The following SGMS1 variants were observed in gnomAD, a reference collection of about 807,000 sequenced individuals.
SGMS1 encodes the protein sphingomyelin synthase 1.
A neutral mutation model predicts 46.2 loss-of-function variants in SGMS1; 13 were observed. The ratio of observed to expected loss-of-function variants is 0.28; its 90% CI spans 0.18 to 0.45. The LOEUF (loss-of-function observed/expected upper bound fraction) is 0.45. SGMS1 is among the 20% of genes least tolerant of loss of function. The pLI is 1.00. For synonymous variants in SGMS1, 203 were observed against 187.8 expected (o/e 1.08, Z -0.66); for missense variants, 324 against 519.9 (o/e 0.62, Z 3.66).
At chr10:50,505,407 C>T (rs1049046979) in intron 3 of SGMS1, among the ~76,000 whole-genome samples, 1 of 152,080 alleles carries the variant, frequency 6.6e-6, no homozygotes, top group East Asian at 1.9e-4. Context: ...TTCTATCATG[C>T]CTAACACTGA....
chr10:50,402,238 G>T (rs574955934), intron 6 of SGMS1, among the ~76,000 whole-genome samples: 1 of 152,246 alleles, frequency 6.6e-6, no homozygotes, highest in Admixed American at 6.5e-5. Flanking sequence ...ATGTTCTGAG[G>T]TTCAATTATT....
intron 3 of SGMS1, among the ~76,000 whole-genome samples, chr10:50,492,152 T>C (rs552446133): frequency 1.3e-5 from 2 of 152,354 alleles, no homozygotes; most frequent in Non-Finnish European, 2.9e-5. Context: ...AAACTAGGTA[T>C]TGAAGGAACA....
intron 2 of SGMS1, among the ~76,000 whole-genome samples, chr10:50,588,721 A>ATTTTTTTTTT (rs71029314): frequency 1.1e-5 from 1 of 92,220 alleles, no homozygotes; most frequent in Non-Finnish European, 2.1e-5. Context: ...GACTGATCTA[A>ATTTTTTTTTT]TTTTTTTTTT....
chr10:50,503,657 T>C (rs1837680704), intron 3 of SGMS1, among the ~76,000 whole-genome samples: 1 of 152,218 alleles, frequency 6.6e-6, no homozygotes. Context: ...GCCTTGTTGC[T>C]CACACACAGC....
chr10:50,310,090 T>C (rs1199412480), intron 9 of SGMS1, among the ~76,000 whole-genome samples: 1 of 152,200 alleles, frequency 6.6e-6, no homozygotes, highest in East Asian at 1.9e-4. Flanking sequence ...CTACATCAGC[T>C]GAGAGTTCAG....
At chr10:50,558,638 C>T (rs956452731) in intron 2 of SGMS1, among the ~76,000 whole-genome samples, 8 of 152,160 alleles carry the variant, frequency 5.3e-5, no homozygotes, top group African/African-American at 1.7e-4. Context: ...ATTTGAACTA[C>T]GTGGTCCACT....
rs979274300 is a variant in SGMS1 at position 50,393,511 on chromosome 10, T to G, written c.-232+39965A>C. On this transcript the variant is annotated intron_variant, in intron 6 of 10. Transcript: ENST00000361781. ...TCTCAACCTCTCCTTATTTCCTTAC[T>G]AGATCCAAAGGCATACAAGACAAGC... Among the ~76,000 whole-genome samples, 87 of 152,250 alleles carry G rather than the reference T, an allele frequency of 5.7e-4. 1 individual carries two copies. Among genetic ancestry groups the G allele is most frequent in the Non-Finnish European group, 8.8e-5 (6 of 68,020 alleles).
At chr10:50,555,327 C>T (rs1160013974) in intron 2 of SGMS1, among the ~76,000 whole-genome samples, 1 of 152,232 alleles carries the variant, frequency 6.6e-6, no homozygotes, top group Non-Finnish European at 1.5e-5. Context: ...CAGTCATATT[C>T]TACCTAGTTC....
chr10:50,477,582 G>C (rs575403466), intron 3 of SGMS1, among the ~76,000 whole-genome samples: 2 of 152,258 alleles, frequency 1.3e-5, no homozygotes, highest in South Asian at 4.2e-4. Context: ...GGGGCAGAAT[G>C]ATATGCTTTG....
chr10:50,407,930 G>A (rs1193757781), intron 6 of SGMS1, among the ~76,000 whole-genome samples: 1 of 151,780 alleles, frequency 6.6e-6, no homozygotes, highest in Non-Finnish European at 1.5e-5. Context: ...CCCTAAATTT[G>A]TATCTAAATA....
chr10:50,624,598 T>A (rs539301335), upstream of SGMS1: 2 of 984,238 alleles, frequency 2.0e-6, no homozygotes, highest in South Asian at 9.4e-5. Flanking sequence ...CCGCCCCGCC[T>A]GGGGCCCACC....
intron 3 of SGMS1, among the ~76,000 whole-genome samples, chr10:50,494,539 T>C (rs1029764202): frequency 2.0e-5 from 3 of 152,030 alleles, no homozygotes; most frequent in African/African-American, 7.2e-5. Flanking sequence ...GAAAACAAAA[T>C]ACCACATGTT....
In SGMS1 at chr10:50,377,952, C is replaced by T. The variant is rs549354067; in HGVS notation, c.-231-33607G>A. Among the ~76,000 whole-genome samples, 82 of 152,286 alleles carry T rather than the reference C, an allele frequency of 5.4e-4. 2 individuals are homozygous for T. In the South Asian group the frequency reaches 0.017, roughly 32 times the overall value. ...AGGATACATATGATTGCATTTAGGG[C>T]TTACCTGGATAATGCAGGATAAGCT... On this transcript the variant is annotated intron_variant, in intron 6 of 10. Coordinates refer to ENST00000361781, the MANE Select transcript of SGMS1 (RefSeq NM_147156.4).
rs984724701 is a variant in SGMS1, at chr10:50,543,666, C to T, written c.-588-23745G>A. On this transcript the variant is annotated intron_variant, in intron 2 of 10. Transcript: ENST00000361781. Reference sequence around the variant, plus strand: ...AGCAGTTGCTTCTGCAGGAAGTAGACAGGAACTTCCTTACGAATCCCAAAA... The same window carrying T: ...AGCAGTTGCTTCTGCAGGAAGTAGATAGGAACTTCCTTACGAATCCCAAAA... 6.0e-4 allele frequency among the ~76,000 whole-genome samples: 92 copies of T among 152,194 alleles called. 1 individual carries two copies. The highest frequency in any genetic ancestry group is 2.1e-3 in the African/African-American group (89 of 41,446).
chr10:50,513,672 A>G (rs879512065), intron 3 of SGMS1, among the ~76,000 whole-genome samples: 2 of 152,256 alleles, frequency 1.3e-5, no homozygotes, highest in Non-Finnish European at 2.9e-5. Flanking sequence ...CATTAAATGC[A>G]TATTCATCAA....
chr10:50,376,172 T>A (rs967508685), intron 6 of SGMS1, among the ~76,000 whole-genome samples: 2 of 152,184 alleles, frequency 1.3e-5, no homozygotes, highest in Admixed American at 1.3e-4. Flanking sequence ...AAGCCATGTC[T>A]TCAGAGGGGG....
intron 6 of SGMS1, among the ~76,000 whole-genome samples, chr10:50,425,029 C>T (rs577137023): frequency 3.3e-5 from 5 of 152,020 alleles, no homozygotes; most frequent in Non-Finnish European, 5.9e-5. Flanking sequence ...AATGAGATAC[C>T]ATTAATCACA....
chr10:50,326,376 C>T (rs764779575), intron 8 of SGMS1, among the ~76,000 whole-genome samples: 12 of 152,198 alleles, frequency 7.9e-5, no homozygotes, highest in South Asian at 6.2e-4. Context: ...TCTGGAGGAA[C>T]AAAAGTACAA....
intron 6 of SGMS1, among the ~76,000 whole-genome samples, chr10:50,361,861 G>A (rs2133416985): frequency 6.6e-6 from 1 of 152,116 alleles, no homozygotes; most frequent in East Asian, 1.9e-4. Flanking sequence ...TCCATGACAC[G>A]GCCTATTTAT....
Sources: allele counts gnomAD v4.1 joint callset (sites outside exome capture counted in the v4.1 genomes callset), GRCh38; gene constraint gnomAD v4.1.1; transcripts MANE v1.5; gene names NCBI Gene and HGNC (gene_info 2026-07-23, HGNC 2026-07-21).